Variants in POTEC observed in about 807,000 individuals in gnomAD.
POTEC encodes the protein ANKRD26-like family B member 2.
In POTEC, 35 loss-of-function variants were observed where a neutral mutation model predicts 62.0. The ratio of observed to expected loss-of-function variants is 0.56; its 90% CI spans 0.43 to 0.75. The LOEUF (loss-of-function observed/expected upper bound fraction) is 0.75. Among genes scored for constraint, POTEC ranks in the 30% least tolerant of loss-of-function variants. POTEC has a pLI of 0.00. For synonymous variants in POTEC, 156 were observed against 221.5 expected, an observed-to-expected ratio of 0.70 and a Z score of 2.62; for missense variants, 472 against 655.9, an observed-to-expected ratio of 0.72 and a Z score of 3.06.
At position 14,535,894 on chromosome 18, in the gene POTEC, T is replaced by G. The variant is rs573627498; in HGVS notation, c.811-887A>C. Among the ~76,000 whole-genome samples, 4 of 152,038 alleles carry G rather than the reference T, an allele frequency of 2.6e-5. No individual in the cohort carries two copies. In the East Asian group the frequency reaches 7.8e-4, roughly 30 times the overall value. ...CTTCTGAATGGCAGTGAATAACTGA[T>G]GGTAGAAAGGAAAAGCTATTATTCT... On this transcript the variant is annotated intron_variant, in intron 3 of 10. Transcript: ENST00000358970.
At chr18:14,513,613 A>G (rs746745338) in intron 10 of POTEC, 49 bp downstream of exon 10, 93 of 1,557,830 alleles carry the variant, frequency 6.0e-5, no homozygotes, top group Non-Finnish European at 8.0e-5. Flanking sequence ...AAAGCTTTTT[A>G]AAAATATATA....
chr18:14,542,306 A>G (rs374156290), intron 1 of POTEC, among the ~76,000 whole-genome samples: 20 of 152,226 alleles, frequency 1.3e-4, no homozygotes, highest in African/African-American at 4.6e-4. Flanking sequence ...ACACCTTTCT[A>G]TAGTGTATAG....
chr18:14,523,957 A>G (rs1187599359), intron 7 of POTEC, among the ~76,000 whole-genome samples: 2 of 152,160 alleles, frequency 1.3e-5, no homozygotes, highest in African/African-American at 4.8e-5. Flanking sequence ...AGTGCACTGA[A>G]GTGCTTTTTT....
intron 9 of POTEC, among the ~76,000 whole-genome samples, chr18:14,517,210 T>C (rs1265638930): frequency 1.3e-5 from 2 of 152,048 alleles, no homozygotes; most frequent in African/African-American, 2.4e-5. Flanking sequence ...ACATAGTTAA[T>C]TGAAGGCAAC....
In POTEC at chr18:14,543,237, A is replaced by G. The variant is rs1261152532; in HGVS notation, c.-91T>C. On this transcript the variant is annotated 5_prime_UTR_variant, in exon 1 of 11. Coordinates refer to ENST00000358970, the MANE Select transcript of POTEC (RefSeq NM_001137671.2). The stretch of plus-strand genomic sequence containing the variant: ...AACTAGCAGGAAACCCTGGGTTTCC[A>G]ATCTGTTTGAAGAGAAAGGTCAATC... 1 of 1,531,688 alleles carries G rather than the reference A, an allele frequency of 6.5e-7. No homozygotes were observed. The highest frequency in any genetic ancestry group is 8.9e-7 in the Non-Finnish European group (1 of 1,124,674). The allele number at this position is 1,531,688 out of a possible 1,614,324, so 94.9% of individuals were successfully genotyped here.
chr18:14,538,440 T>C (rs933054365), intron 1 of POTEC, among the ~76,000 whole-genome samples, 191 bp from the exon 2 acceptor site: 2 of 152,222 alleles, frequency 1.3e-5, no homozygotes, highest in African/African-American at 4.8e-5. Context: ...CCTATTTGAA[T>C]AGAAAGAGCA....
chr18:14,511,661 C>T lies in POTEC; in HGVS notation c.*237G>A. On this transcript the variant is annotated 3_prime_UTR_variant, in exon 11 of 11. Coordinates refer to ENST00000358970, the MANE Select transcript of POTEC (RefSeq NM_001137671.2). ...TAGAGCAGTAGTCAGTCTACAATGACATGATTGAATTTCCATTTCCAGTGT... is the reference window on the plus strand; with the variant it reads ...TAGAGCAGTAGTCAGTCTACAATGATATGATTGAATTTCCATTTCCAGTGT... 1.7e-6 allele frequency: 1 copy of T among 587,094 alleles called. No homozygotes were observed. 36.4% of individuals were successfully genotyped at this position (587,094 alleles called of 1,614,324 possible). A position where few individuals can be genotyped will look rare whatever the true frequency, so the allele number is the denominator to read the frequency against.
rs757956168 is a variant in POTEC, at chr18:14,513,612, T to A, written c.1533+50A>T. On this transcript the variant is annotated intron_variant, in intron 10 of 10. Coordinates refer to ENST00000358970, the MANE Select transcript of POTEC (RefSeq NM_001137671.2). ...TTATACCTTCCAAAATAAAGCTTTTTAAAAATATATACACATATGAAAACA... is the reference window on the plus strand; with the variant it reads ...TTATACCTTCCAAAATAAAGCTTTTAAAAAATATATACACATATGAAAACA... The A allele has an allele frequency of 2.4e-5, 38 of 1,555,342 alleles. 1 individual carries two copies. Among genetic ancestry groups the A allele is most frequent in the East Asian group, 1.6e-4 (7 of 44,142 alleles).
chr18:14,536,565 G>A (rs1288593814), intron 3 of POTEC, among the ~76,000 whole-genome samples: 4 of 151,646 alleles, frequency 2.6e-5, no homozygotes, highest in African/African-American at 9.7e-5. Flanking sequence ...ACATATCCAG[G>A]CTTTATTAGA....
intron 9 of POTEC, 99 bp from the exon 10 acceptor site, chr18:14,513,884 C>G: frequency 3.8e-6 from 6 of 1,582,144 alleles, no homozygotes; most frequent in Non-Finnish European, 5.1e-6. Flanking sequence ...CAATGCATAT[C>G]TGCACATTAA....
Position 14,543,529 on chromosome 18 carries a change from A to G in POTEC, c.-383T>C, listed in dbSNP as rs200162188. 0.07 allele frequency: 26,386 copies of G among 377,578 alleles called. 2,245 individuals carry two copies. Among genetic ancestry groups the G allele is most frequent in the East Asian group, 0.38 (5,851 of 15,426 alleles). The allele number at this position is 377,578 out of a possible 1,614,324, so 23.4% of individuals were successfully genotyped here. ...CAGGCAAAGCGACTAACGCCAAGCC[A>G]AGCTAGGAACGCAAGGCCAAGCGAG... On this transcript the variant is annotated 5_prime_UTR_variant, in exon 1 of 11. Transcript: ENST00000358970.
chr18:14,524,379 A>T (rs1009418821), intron 7 of POTEC, among the ~76,000 whole-genome samples: 2 of 152,168 alleles, frequency 1.3e-5, no homozygotes, highest in African/African-American at 4.8e-5. Context: ...TCAGTGACTG[A>T]CAATATAAAA....
chr18:14,529,038 T>A (rs756855733), intron 6 of POTEC: 1 of 454,452 alleles, frequency 2.2e-6, no homozygotes, highest in Non-Finnish European at 4.4e-6. Flanking sequence ...ATTCTTCTGC[T>A]TCTTTACCTA....
chr18:14,528,601 G>A (rs1468553272), intron 6 of POTEC, among the ~76,000 whole-genome samples: 4 of 151,932 alleles, frequency 2.6e-5, no homozygotes, highest in African/African-American at 9.7e-5. Context: ...AGCCAACCAT[G>A]AAAGGAGACA....
At chr18:14,516,667 G>A (rs1054921911) in intron 9 of POTEC, among the ~76,000 whole-genome samples, 2 of 146,042 alleles carry the variant, frequency 1.4e-5, no homozygotes, top group East Asian at 2.0e-4. Flanking sequence ...AACTACTGGG[G>A]GGGGGTGTAT....
intron 3 of POTEC, among the ~76,000 whole-genome samples, chr18:14,536,539 A>C (rs1216785739): frequency 6.6e-6 from 1 of 151,842 alleles, no homozygotes. Context: ...GGCTTCAAGG[A>C]AACATTTTTA....
In POTEC at chr18:14,543,275, T is replaced by A; in HGVS notation, c.-129A>T. ...AGAAAGGTCAATCCCAGCCAAAACT[T>A]GCCAACCCCAGCAAGGGAGCCCAGT... On this transcript the variant is annotated 5_prime_UTR_variant, in exon 1 of 11. Transcript: ENST00000358970. The A allele has an allele frequency of 1.4e-6, 2 of 1,427,466 alleles. No homozygotes were observed. Among genetic ancestry groups the A allele is most frequent in the East Asian group, 4.9e-5 (2 of 40,922 alleles). The allele number at this position is 1,427,466 out of a possible 1,614,324, so 88.4% of individuals were successfully genotyped here. A position where few individuals can be genotyped will look rare whatever the true frequency, so the allele number is the denominator to read the frequency against.
intron 9 of POTEC, among the ~76,000 whole-genome samples, chr18:14,516,934 A>C (rs1910180259): frequency 6.6e-6 from 1 of 151,404 alleles, no homozygotes. Flanking sequence ...AAAAGAGAGT[A>C]GAGTATCACT....
chr18:14,509,652 C>T lies in POTEC; in HGVS notation c.*2246G>A, dbSNP rs1909946012. On this transcript the variant is annotated 3_prime_UTR_variant, in exon 11 of 11. Transcript: ENST00000358970. Reference sequence around the variant, plus strand: ...CAGGCACGGTCCGCTTGTACAGAAGCTATGGTGTGGGCACCCGAAAGTGCC... The same window carrying T: ...CAGGCACGGTCCGCTTGTACAGAAGTTATGGTGTGGGCACCCGAAAGTGCC... 6.6e-6 allele frequency: 1 copy of T among 151,672 alleles called. No homozygotes were observed. The highest frequency in any genetic ancestry group is 6.6e-5 in the Admixed American group (1 of 15,252). 9.4% of individuals were successfully genotyped at this position (151,672 alleles called of 1,614,324 possible).
Sources: allele counts gnomAD v4.1 joint callset (sites outside exome capture counted in the v4.1 genomes callset), GRCh38; gene constraint gnomAD v4.1.1; transcripts MANE v1.5; gene names NCBI Gene and HGNC (gene_info 2026-07-23, HGNC 2026-07-21).